CFLAR: variants seen among roughly 807,000 people sequenced by gnomAD.
The protein encoded by CFLAR is CASP8 and FADD-like apoptosis regulator.
Under a neutral mutation model 51.1 loss-of-function variants are expected in CFLAR, and 14 were observed. That is an observed-to-expected ratio of 0.27 (90% CI 0.18 to 0.43). The LOEUF is 0.43. Ranked by LOEUF, CFLAR falls within the 20% of genes least tolerant of loss-of-function variation. CFLAR has a pLI of 1.00. For missense variants in CFLAR, 390 were observed against 566.5 expected (o/e 0.69, Z 3.16); for synonymous variants, 210 against 211.6 (o/e 0.99, Z 0.06).
At chr2:201,158,849 CATCATTATTATTATT>C (rs369847013) in intron 8 of CFLAR, among the ~76,000 whole-genome samples, 1,925 of 143,740 alleles carry the variant, frequency 0.013, 32 homozygotes, top group Non-Finnish European at 0.017. Context: ...CATTTGCCCT[CATCATTATTATTATT>C]ATTATTATTA....
chr2:201,152,568 T>TAAA (rs1941455200), intron 8 of CFLAR, among the ~76,000 whole-genome samples: 1 of 152,210 alleles, frequency 6.6e-6, no homozygotes, highest in Admixed American at 6.5e-5. Flanking sequence ...ACCATGGCTT[T>TAAA]GCACTTGGTA....
intron 1 of CFLAR, chr2:201,119,064 G>A (rs530880666): frequency 6.6e-6 from 1 of 152,378 alleles, no homozygotes; most frequent in South Asian, 2.1e-4. Flanking sequence ...CAACACTCCG[G>A]GGCATGTTGC....
At chr2:201,120,023 C>CTT (rs34076189) in intron 1 of CFLAR, among the ~76,000 whole-genome samples, 20 of 112,346 alleles carry the variant, frequency 1.8e-4, no homozygotes, top group South Asian at 2.8e-4. Flanking sequence ...CTTTTCTTTT[C>CTT]TTTTTTTTTT....
At chr2:201,140,182 C>A in intron 4 of CFLAR, 175 bp from the exon 5 acceptor site, 1 of 676,910 alleles carries the variant, frequency 1.5e-6, no homozygotes, top group Non-Finnish European at 2.3e-6. Context: ...CCCTATACTC[C>A]ATTCTTCATG....
At position 201,118,472 on chromosome 2, in the gene CFLAR, G is replaced by T. The variant is rs1295327695; in HGVS notation, c.-138+1991G>T. 5 of 152,342 alleles carry T rather than the reference G, an allele frequency of 3.3e-5. No individual in the cohort carries two copies. The East Asian group carries it at 9.7e-4, about 29-fold the overall frequency. The allele number at this position is 152,342 out of a possible 1,614,324, so 9.4% of individuals were successfully genotyped here. A position where few individuals can be genotyped will look rare whatever the true frequency, so the allele number is the denominator to read the frequency against. On this transcript the variant is annotated intron_variant, in intron 1 of 9. Transcript: ENST00000309955. This position sits in a 1 kb window ranked among gnomAD's most constrained non-coding sequence, Gnocchi z 5.1. Reference sequence around the variant, plus strand: ...CTACCGCAGCTCCTAGTAGGTGGTGGGGGCGCAGCGGCTGTCCCCACTCAG... The same window carrying T: ...CTACCGCAGCTCCTAGTAGGTGGTGTGGGCGCAGCGGCTGTCCCCACTCAG...
At chr2:201,154,179 C>A in intron 8 of CFLAR, 1 of 248,480 alleles carries the variant, frequency 4.0e-6, no homozygotes, top group Non-Finnish European at 8.3e-6. Context: ...GCAATCTCCA[C>A]CTCCCAGGTT....
rs1944014294 is a variant in CFLAR, at chr2:201,171,564, T to C, written c.*7591T>C. The C allele has an allele frequency of 6.6e-6, 1 of 151,958 alleles. No individual in the cohort carries two copies. The highest frequency in any genetic ancestry group is 2.4e-5 in the African/African-American group (1 of 41,336). The allele number at this position is 151,958 out of a possible 1,614,324, so 9.4% of individuals were successfully genotyped here. A position where few individuals can be genotyped will look rare whatever the true frequency, so the allele number is the denominator to read the frequency against. Reference sequence around the variant, plus strand: ...ATGCATGTGGGGCTTAATACCTAGGTGATAGGTTGATAGGTGCAGCAAACC... The same window carrying C: ...ATGCATGTGGGGCTTAATACCTAGGCGATAGGTTGATAGGTGCAGCAAACC... On this transcript the variant is annotated 3_prime_UTR_variant, in exon 10 of 10. Coordinates refer to ENST00000309955, the MANE Select transcript of CFLAR (RefSeq NM_003879.7).
rs1368896945 is a variant in CFLAR at position 201,165,787 on chromosome 2, A to AG, written c.*1816dup. ...GATTAGGGAGTGGTGATGACTCTTA[A>AG]GGAGCATGCTGCCTTCAAGCATCTG... On this transcript the variant is annotated 3_prime_UTR_variant, in exon 10 of 10. Transcript: ENST00000309955. 6.2e-6 allele frequency: 1 copy of AG among 160,504 alleles called. No homozygotes were observed. Among genetic ancestry groups the AG allele is most frequent in the Non-Finnish European group, 1.4e-5 (1 of 73,490 alleles). 9.9% of individuals were successfully genotyped at this position (160,504 alleles called of 1,614,324 possible).
chr2:201,129,784 G>A lies in CFLAR; in HGVS notation c.-82G>A. ...AATGAAGTCAGCCCTCAGAAATGAA[G>A]TTGACTGCCTGCTGGCTTTCTGTTG... On this transcript the variant is annotated 5_prime_UTR_variant, in exon 2 of 10. Transcript: ENST00000309955. 1.5e-6 allele frequency: 2 copies of A among 1,340,842 alleles called. No homozygotes were observed. The highest frequency in any genetic ancestry group is 2.1e-6 in the Non-Finnish European group (2 of 963,342). The allele number at this position is 1,340,842 out of a possible 1,614,324, so 83.1% of individuals were successfully genotyped here.
chr2:201,149,031 A>T lies in CFLAR; in HGVS notation c.690A>T (p.Glu230Asp). 1 of 1,612,268 alleles carries T rather than the reference A, an allele frequency of 6.2e-7. No individual in the cohort carries two copies. Among genetic ancestry groups the T allele is most frequent in the Non-Finnish European group, 8.5e-7 (1 of 1,178,324 alleles). Residue 230 changes from glutamate to aspartate, a missense_variant, in exon 7 of 10, where the codon GAA becomes GAT. Coordinates refer to ENST00000309955, the MANE Select transcript of CFLAR (RefSeq NM_003879.7). ...QQEPVKKSIQ[E>D]SEAFLPQSIP... ...AACCAGTGAAGAAATCCATTCAGGA[A>T]TCAGAAGCTTTTTTGCCTCAGGTAC...
chr2:201,129,772 C>A lies in CFLAR; in HGVS notation c.-94C>A. ...GATTCTGAAAGAAATGAAGTCAGCCCTCAGAAATGAAGTTGACTGCCTGCT... is the reference window on the plus strand; with the variant it reads ...GATTCTGAAAGAAATGAAGTCAGCCATCAGAAATGAAGTTGACTGCCTGCT... On this transcript the variant is annotated 5_prime_UTR_variant, in exon 2 of 10. Coordinates refer to ENST00000309955, the MANE Select transcript of CFLAR (RefSeq NM_003879.7). 8.4e-7 allele frequency: 1 copy of A among 1,185,630 alleles called. No homozygotes were observed. The highest frequency in any genetic ancestry group is 1.5e-5 in the South Asian group (1 of 68,694). The allele number at this position is 1,185,630 out of a possible 1,614,324, so 73.4% of individuals were successfully genotyped here.
At chr2:201,161,420 A>T (rs113028375) in intron 9 of CFLAR, among the ~76,000 whole-genome samples, 54,175 of 145,244 alleles carry the variant, frequency 0.37, 10,570 homozygotes, top group Non-Finnish European at 0.45. Flanking sequence ...ATTTTTATTT[A>T]TTTTTTTTTT....
In CFLAR at chr2:201,167,197, A is replaced by G. The variant is rs537756688; in HGVS notation, c.*3224A>G. ...GAGACAGTTTTCAGGAACAACAAGC[A>G]ATTATTCCTACTTTCCAAGTTATTT... On this transcript the variant is annotated 3_prime_UTR_variant, in exon 10 of 10. Transcript: ENST00000309955. The G allele has an allele frequency of 5.3e-5, 8 of 152,226 alleles. No individual in the cohort carries two copies. The highest frequency in any genetic ancestry group is 1.9e-4 in the African/African-American group (8 of 41,522). 9.4% of individuals were successfully genotyped at this position (152,226 alleles called of 1,614,324 possible). A position where few individuals can be genotyped will look rare whatever the true frequency, so the allele number is the denominator to read the frequency against.
intron 2 of CFLAR, chr2:201,132,782 G>A (rs978604154): frequency 5.4e-6 from 2 of 368,548 alleles, no homozygotes; most frequent in Non-Finnish European, 9.7e-6. Flanking sequence ...GTTGTTTTCA[G>A]AAACTGTTAG....
chr2:201,125,744 T>C (rs2048617904), intron 1 of CFLAR, among the ~76,000 whole-genome samples: 1 of 152,120 alleles, frequency 6.6e-6, no homozygotes, highest in African/African-American at 2.4e-5. Flanking sequence ...AATGAAACTG[T>C]TGAGCAGCCG....
chr2:201,167,735 A>G lies in CFLAR; in HGVS notation c.*3762A>G, dbSNP rs902474392. ...TAACTACCTAGCAGCTCTAGCTGCC[A>G]TCTTGAACCATGAAGATACGGGCCA... On this transcript the variant is annotated 3_prime_UTR_variant, in exon 10 of 10. Coordinates refer to ENST00000309955, the MANE Select transcript of CFLAR (RefSeq NM_003879.7). 1 of 152,226 alleles carries G rather than the reference A, an allele frequency of 6.6e-6. No homozygotes were observed. Among genetic ancestry groups the G allele is most frequent in the African/African-American group, 2.4e-5 (1 of 41,442 alleles). The allele number at this position is 152,226 out of a possible 1,614,324, so 9.4% of individuals were successfully genotyped here. A position where few individuals can be genotyped will look rare whatever the true frequency, so the allele number is the denominator to read the frequency against.
rs564915578 is a variant in CFLAR, at chr2:201,160,848, A to T, written c.1210A>T (p.Ser404Cys). The stretch of plus-strand genomic sequence containing the variant: ...TCACCGAGAAGCTGACTTCTTCTGG[A>T]GCCTGTGTACTGCGGACATGTCCCT... ...TVHREADFFW[S>C]LCTADMSLLE... Residue 404 changes from serine to cysteine, a missense_variant, in exon 9 of 10, where the codon AGC becomes TGC. Physicochemically the swap from Ser to Cys is moderately radical, Grantham distance 112 (BLOSUM62 -1). Coordinates refer to ENST00000309955, the MANE Select transcript of CFLAR (RefSeq NM_003879.7). 6.2e-7 allele frequency: 1 copy of T among 1,613,526 alleles called. No individual in the cohort carries two copies. Among genetic ancestry groups the T allele is most frequent in the Non-Finnish European group, 8.5e-7 (1 of 1,179,676 alleles).
At position 201,176,212 on chromosome 2, in the gene CFLAR, G is replaced by A. The variant is rs1944166910; in HGVS notation, c.*12239G>A. 7.5e-6 allele frequency: 1 copy of A among 132,454 alleles called. No homozygotes were observed. Among genetic ancestry groups the A allele is most frequent in the African/African-American group, 2.8e-5 (1 of 35,212 alleles). 8.2% of individuals were successfully genotyped at this position (132,454 alleles called of 1,614,324 possible). A position where few individuals can be genotyped will look rare whatever the true frequency, so the allele number is the denominator to read the frequency against. On this transcript the variant is annotated 3_prime_UTR_variant, in exon 10 of 10. Transcript: ENST00000309955. ...TGCTGGCATACTTCCGGGATCTTGT[G>A]TTACTTTTCCCCACTCCTGAGATCT...
Position 201,168,638 on chromosome 2 carries a change from A to C in CFLAR, c.*4665A>C, listed in dbSNP as rs911303230. The C allele has an allele frequency of 2.0e-5, 3 of 151,788 alleles. No homozygotes were observed. Among genetic ancestry groups the C allele is most frequent in the African/African-American group, 7.3e-5 (3 of 41,182 alleles). 9.4% of individuals were successfully genotyped at this position (151,788 alleles called of 1,614,324 possible). A position where few individuals can be genotyped will look rare whatever the true frequency, so the allele number is the denominator to read the frequency against. ...CTGGCCAAGAAAATCAGGCAAGAGA[A>C]ACAAATAAGGGGTATTCAAATAGGA... is the stretch of plus-strand genomic sequence containing the variant. On this transcript the variant is annotated 3_prime_UTR_variant, in exon 10 of 10. Transcript: ENST00000309955.
Sources: gnomAD v4.1 joint callset for allele counts (sites outside exome capture counted in the v4.1 genomes callset) on GRCh38, gnomAD v4.1.1 for gene constraint, Gnocchi (gnomAD v3.1) non-coding constraint, MANE v1.5 for transcripts, NCBI Gene and HGNC (gene_info 2026-07-23, HGNC 2026-07-21) for gene names.